FEZ2: variants seen among roughly 807,000 people sequenced by gnomAD.
FEZ2 encodes the protein fasciculation and elongation protein zeta-2.
Under a neutral mutation model 40.4 loss-of-function variants are expected in FEZ2, and 51 were observed. That is an observed-to-expected ratio of 1.26 (90% CI 1.01 to 1.59). The LOEUF (loss-of-function observed/expected upper bound fraction) is 1.59. Among genes scored for constraint, FEZ2 ranks in the 40% most tolerant of loss-of-function variants. FEZ2 has a pLI of 0.00. For missense variants in FEZ2, 640 were observed against 438.3 expected (o/e 1.46, Z -4.11); for synonymous variants, 242 against 172.0 (o/e 1.41, Z -3.18).
intron 5 of FEZ2, among the ~76,000 whole-genome samples, chr2:36,560,065 CTT>C (rs1015308010): frequency 3.9e-5 from 6 of 152,146 alleles, no homozygotes; most frequent in African/African-American, 1.4e-4. Flanking sequence ...AACTTAAAGA[CTT>C]TTCTTTTTCA....
At position 36,555,836 on chromosome 2, in the gene FEZ2, T is replaced by C. The variant is rs149677829; in HGVS notation, c.980-88A>G. 1.3e-4 allele frequency: 102 copies of C among 763,126 alleles called. 1 individual carries two copies. In the African/African-American group the frequency reaches 1.6e-3, roughly 12 times the overall value. The allele number at this position is 763,126 out of a possible 1,614,324, so 47.3% of individuals were successfully genotyped here. A position where few individuals can be genotyped will look rare whatever the true frequency, so the allele number is the denominator to read the frequency against. ...ATTTCAATCATTGTGGCCTTAATCT[T>C]CCTTAATTATAGGATATAACTGACT... On this transcript the variant is annotated intron_variant, in intron 6 of 7. Transcript: ENST00000405912.
chr2:36,581,751 C>T (rs1194620932), intron 3 of FEZ2, among the ~76,000 whole-genome samples: 1 of 152,102 alleles, frequency 6.6e-6, no homozygotes, highest in Non-Finnish European at 1.5e-5. Flanking sequence ...TTACTTCAGA[C>T]ACACCAGAGC....
chr2:36,586,069 AT>A (rs5830429), intron 2 of FEZ2, among the ~76,000 whole-genome samples: 3,448 of 152,162 alleles, frequency 0.023, 116 homozygotes, highest in African/African-American at 0.078. Flanking sequence ...TAATAATTTA[AT>A]TTTTTAAAGA....
intron 2 of FEZ2, among the ~76,000 whole-genome samples, chr2:36,587,749 G>C (rs1434248022): frequency 6.6e-6 from 1 of 151,912 alleles, no homozygotes; most frequent in South Asian, 2.1e-4. Context: ...GTCACGGCAC[G>C]AACAGAGCAC....
chr2:36,583,366 A>C lies in FEZ2; in HGVS notation c.479T>G (p.Phe160Cys). The change falls in exon 3 of 8, where the codon TTC becomes TGC. Residue 160 changes from phenylalanine to cysteine, a missense_variant. Physicochemically the swap from Phe to Cys is radical, Grantham distance 205. Transcript: ENST00000405912. ...IVSCVNDEPL[F>C]TADQVIEEIE... ...TCTCCTCTATACCTGGTCTGCCGTG[A>C]AGAGGGGTTCATCATTAACACAGGA... The C allele has an allele frequency of 6.4e-7, 1 of 1,571,368 alleles. No individual in the cohort carries two copies. The highest frequency in any genetic ancestry group is 8.8e-7 in the Non-Finnish European group (1 of 1,141,168).
intron 5 of FEZ2, among the ~76,000 whole-genome samples, chr2:36,565,961 T>G (rs1272013545): frequency 6.6e-6 from 1 of 152,162 alleles, no homozygotes; most frequent in Admixed American, 6.5e-5. Context: ...ATTGGCCTGG[T>G]TGAGAATCAC....
At chr2:36,595,760 C>A (rs1337198843) in intron 1 of FEZ2, among the ~76,000 whole-genome samples, 1 of 152,152 alleles carries the variant, frequency 6.6e-6, no homozygotes, top group Non-Finnish European at 1.5e-5. Flanking sequence ...ATGACCAGCT[C>A]CCAACTCCCG....
At chr2:36,565,382 G>A (rs945386932) in intron 5 of FEZ2, among the ~76,000 whole-genome samples, 1 of 152,154 alleles carries the variant, frequency 6.6e-6, no homozygotes, top group African/African-American at 2.4e-5. Context: ...AAAACCAGGT[G>A]CCTCAGAATG....
At chr2:36,568,246 A>G (rs1331612047) in intron 5 of FEZ2, among the ~76,000 whole-genome samples, 1 of 152,160 alleles carries the variant, frequency 6.6e-6, no homozygotes, top group African/African-American at 2.4e-5. Flanking sequence ...AACATTTCTC[A>G]AGGTTAAAGT....
chr2:36,579,599 G>T (rs1056957382), intron 4 of FEZ2, among the ~76,000 whole-genome samples: 2 of 152,076 alleles, frequency 1.3e-5, no homozygotes, highest in African/African-American at 4.8e-5. Flanking sequence ...ACCTGCTCCA[G>T]CTCTGCCTCC....
chr2:36,575,893 G>A (rs919161876), intron 5 of FEZ2, among the ~76,000 whole-genome samples: 6 of 150,804 alleles, frequency 4.0e-5, no homozygotes, highest in South Asian at 2.1e-4. Flanking sequence ...AAACATACAT[G>A]AAGAAAAATG....
chr2:36,569,640 C>T (rs1445463438), intron 5 of FEZ2, among the ~76,000 whole-genome samples: 1 of 152,186 alleles, frequency 6.6e-6, no homozygotes, highest in East Asian at 1.9e-4. Flanking sequence ...GCTTCTTCTA[C>T]ACACAGCATA....
At chr2:36,597,633 G>A (rs1172990016) in intron 1 of FEZ2, among the ~76,000 whole-genome samples, 3 of 152,222 alleles carry the variant, frequency 2.0e-5, no homozygotes, top group Admixed American at 6.5e-5. Context: ...CGAGGGTTTG[G>A]TTTGCAGGAA....
At chr2:36,565,475 G>A (rs558603543) in intron 5 of FEZ2, among the ~76,000 whole-genome samples, 1 of 152,000 alleles carries the variant, frequency 6.6e-6, no homozygotes, top group Non-Finnish European at 1.5e-5. Flanking sequence ...TCACCTTCTA[G>A]CTTTCACCAT....
chr2:36,560,984 C>G, intron 5 of FEZ2: 1 of 542,116 alleles, frequency 1.8e-6, no homozygotes, highest in Non-Finnish European at 3.3e-6. Context: ...GAAAATGCCA[C>G]TACTCATCCA....
At chr2:36,591,782 T>A (rs1669080995) in intron 1 of FEZ2, among the ~76,000 whole-genome samples, 1 of 152,186 alleles carries the variant, frequency 6.6e-6, no homozygotes, top group Non-Finnish European at 1.5e-5. Context: ...CTCATCTCCA[T>A]CCTTCTTCAA....
chr2:36,564,382 C>T (rs1400532406), intron 5 of FEZ2, among the ~76,000 whole-genome samples: 3 of 152,120 alleles, frequency 2.0e-5, no homozygotes, highest in Non-Finnish European at 4.4e-5. Context: ...GCATTTTATT[C>T]TCCTCGTTCA....
At chr2:36,594,251 A>G (rs1005574988) in intron 1 of FEZ2, among the ~76,000 whole-genome samples, 1 of 151,942 alleles carries the variant, frequency 6.6e-6, no homozygotes, top group African/African-American at 2.4e-5. Context: ...AACTATTCCA[A>G]TCTCTACCTG....
chr2:36,561,868 C>A (rs2125221824), intron 5 of FEZ2, among the ~76,000 whole-genome samples: 1 of 152,228 alleles, frequency 6.6e-6, no homozygotes, highest in Admixed American at 6.5e-5. Flanking sequence ...GAAAGGAAAC[C>A]AAGGGAATGG....
Sources: gnomAD v4.1 joint callset for allele counts (sites outside exome capture counted in the v4.1 genomes callset) on GRCh38, gnomAD v4.1.1 for gene constraint, MANE v1.5 for transcripts, NCBI Gene and HGNC (gene_info 2026-07-23, HGNC 2026-07-21) for gene names.